COLGALT1: variants seen among roughly 807,000 people sequenced by gnomAD.
COLGALT1 encodes the protein procollagen galactosyltransferase 1.
A neutral mutation model predicts 60.8 loss-of-function variants in COLGALT1; 43 were observed. The ratio of observed to expected loss-of-function variants is 0.71; its 90% CI spans 0.55 to 0.91. The LOEUF (loss-of-function observed/expected upper bound fraction) is 0.91, where lower values mean the gene tolerates loss of function less well. Among genes scored for constraint, COLGALT1 ranks in the 40% least tolerant of loss-of-function variants. The probability of loss-of-function intolerance (pLI) is 0.00; values close to 1 mark genes in which losing one functional copy is unlikely to be tolerated. For synonymous variants in COLGALT1, 369 were observed against 374.2 expected (o/e 0.99, Z 0.16); for missense variants, 845 against 880.0 (o/e 0.96, Z 0.50).
At chr19:17,576,086 G>A (rs1169067599) in intron 6 of COLGALT1, among the ~76,000 whole-genome samples, 1 of 152,192 alleles carries the variant, frequency 6.6e-6, no homozygotes, top group Non-Finnish European at 1.5e-5. Context: ...ATCATTTCTT[G>A]GTTCATTCTA....
rs1225686967 is a variant in COLGALT1 at position 17,580,845 on chromosome 19, C to T, written c.1541C>T (p.Pro514Leu). Residue 514 changes from proline (P) to leucine (L), a missense_variant, in exon 11 of 12, where the codon CCG becomes CTG. Pro to Leu is a moderately conservative substitution (Grantham distance 98). Transcript: ENST00000252599. ...QGARKLLAAE[P>L]LSKMLPVDEF... ...GCCCGCAAACTGCTGGCTGCTGAGC[C>T]GCTCTCCAAGATGCTGCCTGTGGAC... 9 of 1,613,854 alleles carry T rather than the reference C, an allele frequency of 5.6e-6. No individual in the cohort carries two copies. Among genetic ancestry groups the T allele is most frequent in the African/African-American group, 2.7e-5 (2 of 74,874 alleles).
chr19:17,572,635 C>T (rs376072828), intron 6 of COLGALT1, 33 bp downstream of exon 6: 15 of 1,611,856 alleles, frequency 9.3e-6, no homozygotes, highest in African/African-American at 5.3e-5. Context: ...CTGGGAGGTG[C>T]CAGGTTGCCT....
intron 3 of COLGALT1, among the ~76,000 whole-genome samples, chr19:17,565,259 G>A (rs936560926): frequency 3.9e-5 from 6 of 152,012 alleles, no homozygotes; most frequent in South Asian, 2.1e-4. Context: ...GGGTTCAAGC[G>A]ATTCTCCTGC....
At chr19:17,556,030 C>T (rs2076208805) in intron 1 of COLGALT1, 57 bp downstream of exon 1, 6 of 1,276,590 alleles carry the variant, frequency 4.7e-6, no homozygotes, top group East Asian at 3.2e-5. Flanking sequence ...GCTTGCTGTC[C>T]CCATAGGGGT....
chr19:17,567,776 TA>T (rs10708878), intron 4 of COLGALT1, among the ~76,000 whole-genome samples: 29,959 of 141,648 alleles, frequency 0.21, 2,998 homozygotes, highest in Middle Eastern at 0.24. Flanking sequence ...CCATCTCTAC[TA>T]AAAAAAAAAA....
intron 5 of COLGALT1, among the ~76,000 whole-genome samples, chr19:17,571,083 A>C (rs779454297): frequency 6.6e-6 from 1 of 152,310 alleles, no homozygotes; most frequent in Non-Finnish European, 1.5e-5. Flanking sequence ...CAAGCCTAAA[A>C]TACTTACCAC....
chr19:17,577,349 T>C lies in COLGALT1; in HGVS notation c.1027-12T>C, dbSNP rs1158638695. Reference sequence around the variant, plus strand: ...CAGGGGCTGATCTGGCTGGGGACTCTCCGGGCTGCAGGTCTTCATGATCAA... The same window carrying C: ...CAGGGGCTGATCTGGCTGGGGACTCCCCGGGCTGCAGGTCTTCATGATCAA... On this transcript the variant is annotated splice_polypyrimidine_tract_variant and intron_variant, in intron 7 of 11. Coordinates refer to ENST00000252599, the MANE Select transcript of COLGALT1 (RefSeq NM_024656.4). 5.0e-6 allele frequency: 8 copies of C among 1,603,892 alleles called. No individual in the cohort carries two copies. Among genetic ancestry groups the C allele is most frequent in the Non-Finnish European group, 6.8e-6 (8 of 1,176,472 alleles).
chr19:17,579,588 A>G lies in COLGALT1; in HGVS notation c.1373A>G (p.Glu458Gly). Residue 458 changes from glutamate to glycine, a missense_variant, in exon 10 of 12, where the codon GAG (glutamate) becomes GGG (glycine). Glu to Gly is a moderately conservative substitution (Grantham distance 98). Transcript: ENST00000252599. Reference sequence around the variant, plus strand: ...AACCTCATGCGGGATGTGGAGCGGGAGGGCCTGGACTGGGACCTCATGTGA... The same window carrying G: ...AACCTCATGCGGGATGTGGAGCGGGGGGGCCTGGACTGGGACCTCATGTGA... Reference protein sequence around the residue: ...LMNLMRDVEREGLDWDLIYVG... With the variant: ...LMNLMRDVERGGLDWDLIYVG... 1 of 1,412,876 alleles carries G rather than the reference A, an allele frequency of 7.1e-7. No individual in the cohort carries two copies. Among genetic ancestry groups the G allele is most frequent in the Non-Finnish European group, 9.4e-7 (1 of 1,060,896 alleles). The allele number at this position is 1,412,876 out of a possible 1,614,324, so 87.5% of individuals were successfully genotyped here. A position where few individuals can be genotyped will look rare whatever the true frequency, so the allele number is the denominator to read the frequency against.
intron 1 of COLGALT1, among the ~76,000 whole-genome samples, chr19:17,557,864 C>A (rs920525706): frequency 1.3e-5 from 2 of 151,546 alleles, no homozygotes; most frequent in African/African-American, 4.8e-5. Flanking sequence ...GGCCTCCCAA[C>A]ATATTGGGAT....
Position 17,577,374 on chromosome 19 carries a change from A to C in COLGALT1, c.1040A>C (p.Asn347Thr). ...TCCGGGCTGCAGGTCTTCATGATCA[A>C]CCTGAGGCGGCGGCAGGACCGGCGG... ...KMGFDEVFMI[N>T]LRRRQDRRER... The change falls in exon 8 of 12, where the codon AAC becomes ACC. Residue 347 changes from asparagine (N) to threonine (T), a missense_variant. Transcript: ENST00000252599. The C allele has an allele frequency of 6.3e-7, 1 of 1,598,336 alleles. No homozygotes were observed. Among genetic ancestry groups the C allele is most frequent in the African/African-American group, 1.3e-5 (1 of 74,610 alleles).
intron 1 of COLGALT1, 46 bp from the exon 2 acceptor site, chr19:17,559,265 C>T (rs1191935462): frequency 2.1e-6 from 3 of 1,423,086 alleles, no homozygotes; most frequent in East Asian, 2.5e-5. Context: ...CTGCCTGGTC[C>T]TGCCTCAGTC....
chr19:17,580,592 G>A, intron 10 of COLGALT1, 107 bp from the exon 11 acceptor site: 2 of 1,060,684 alleles, frequency 1.9e-6, no homozygotes, highest in Non-Finnish European at 2.8e-6. Context: ...AACATGCTGA[G>A]CCTGCTCCCA....
At chr19:17,576,541 C>G (rs1489619015) in intron 6 of COLGALT1, among the ~76,000 whole-genome samples, 2 of 139,376 alleles carry the variant, frequency 1.4e-5, no homozygotes, top group African/African-American at 5.5e-5. Context: ...CGGAGTGAAG[C>G]TGGAGCCCAG....
At chr19:17,565,163 C>CTCT (rs67590881) in intron 3 of COLGALT1, among the ~76,000 whole-genome samples, 727 of 3,518 alleles carry the variant, frequency 0.21, 4 homozygotes, top group Middle Eastern at 0.5. Context: ...GCTGTTGAGA[C>CTCT]TTTTTTTTTG....
At chr19:17,561,062 G>A (rs1040643206) in intron 3 of COLGALT1, among the ~76,000 whole-genome samples, 6 of 151,276 alleles carry the variant, frequency 4.0e-5, no homozygotes, top group Non-Finnish European at 7.4e-5. Flanking sequence ...AAAATTAGCC[G>A]GGCGTGGTGG....
Position 17,578,672 on chromosome 19 carries a change from C to T in COLGALT1, c.1266+583C>T, listed in dbSNP as rs1045957773. The stretch of plus-strand genomic sequence containing the variant: ...AAGGCTGCAGTCAGCCAAGATCGTG[C>T]CACTGCACTGCAGACTGGACAGCAG... On this transcript the variant is annotated intron_variant, in intron 9 of 11. Transcript: ENST00000252599. 3.9e-5 allele frequency among the ~76,000 whole-genome samples: 6 copies of T among 152,324 alleles called. No individual in the cohort carries two copies. The East Asian group carries it at 9.6e-4, about 24-fold the overall frequency.
chr19:17,581,591 C>A lies in COLGALT1; in HGVS notation c.*147C>A. 9.6e-7 allele frequency: 1 copy of A among 1,040,246 alleles called. No individual in the cohort carries two copies. Among genetic ancestry groups the A allele is most frequent in the Non-Finnish European group, 1.4e-6 (1 of 736,454 alleles). The allele number at this position is 1,040,246 out of a possible 1,614,324, so 64.4% of individuals were successfully genotyped here. On this transcript the variant is annotated 3_prime_UTR_variant, in exon 12 of 12. Transcript: ENST00000252599. ...GTCCAGCCAGCTCTTGCTAAGCAAT[C>A]ACGTGCACACAGGCAGCATTAATGG...
In COLGALT1 at chr19:17,581,591, C is replaced by G. The variant is rs893137985; in HGVS notation, c.*147C>G. 6.7e-6 allele frequency: 7 copies of G among 1,040,130 alleles called. No individual in the cohort carries two copies. In the African/African-American group the frequency reaches 9.7e-5, roughly 14 times the overall value. The allele number at this position is 1,040,130 out of a possible 1,614,324, so 64.4% of individuals were successfully genotyped here. On this transcript the variant is annotated 3_prime_UTR_variant, in exon 12 of 12. Coordinates refer to ENST00000252599, the MANE Select transcript of COLGALT1 (RefSeq NM_024656.4). ...GTCCAGCCAGCTCTTGCTAAGCAAT[C>G]ACGTGCACACAGGCAGCATTAATGG...
rs776469405 is a variant in COLGALT1 at position 17,560,437 on chromosome 19, C to T, written c.461C>T (p.Ala154Val). ...MKLRQAALKS[A>V]RDMWADYILF... is the part of the protein sequence containing the mutation. Reference sequence around the variant, plus strand: ...TTGCGCCAGGCAGCCCTGAAATCAGCTCGAGACATGTGGGCTGATTACATC... The same window carrying T: ...TTGCGCCAGGCAGCCCTGAAATCAGTTCGAGACATGTGGGCTGATTACATC... Residue 154 changes from alanine to valine, a missense_variant, in exon 3 of 12, where the codon GCT (alanine) becomes GTT (valine). Physicochemically the swap from Ala to Val is moderately conservative, Grantham distance 64. Transcript: ENST00000252599. 1.9e-6 allele frequency: 3 copies of T among 1,614,050 alleles called. No individual in the cohort carries two copies. The highest frequency in any genetic ancestry group is 1.7e-5 in the Admixed American group (1 of 59,992).
Sources: allele counts gnomAD v4.1 joint callset (sites outside exome capture counted in the v4.1 genomes callset), GRCh38; gene constraint gnomAD v4.1.1; transcripts MANE v1.5; gene names NCBI Gene and HGNC (gene_info 2026-07-23, HGNC 2026-07-21).